CNTNAP2: variants seen among roughly 807,000 people sequenced by gnomAD.
CNTNAP2 encodes the protein contactin-associated protein-like 2.
CNTNAP2 carries 98 observed loss-of-function variants against 155.2 expected under a neutral mutation model. The observed-to-expected ratio is 0.63, with a 90% CI of 0.54 to 0.75. The LOEUF (loss-of-function observed/expected upper bound fraction) is 0.75, where lower values mean the gene tolerates loss of function less well. Among genes scored for constraint, CNTNAP2 ranks in the 30% least tolerant of loss-of-function variants. CNTNAP2 has a pLI of 0.00. For synonymous variants in CNTNAP2, 651 were observed against 631.2 expected (o/e 1.03, Z -0.47); for missense variants, 1,727 against 1,688.1 (o/e 1.02, Z -0.40).
rs142794536 is a variant in CNTNAP2 at position 146,836,904 on chromosome 7, T to A, written c.209-2807T>A. 1.4e-4 allele frequency among the ~76,000 whole-genome samples: 22 copies of A among 152,258 alleles called. No individual in the cohort carries two copies. The South Asian group carries it at 1.4e-3, about 10-fold the overall frequency. On this transcript the variant is annotated intron_variant, in intron 2 of 23. Coordinates refer to ENST00000361727, the MANE Select transcript of CNTNAP2 (RefSeq NM_014141.6). ...AATTTCAGGTTGCCAGCTTTTTTTTTATCTTTCCTTTTCATCATGTCTGTT... is the reference window on the plus strand; with the variant it reads ...AATTTCAGGTTGCCAGCTTTTTTTTAATCTTTCCTTTTCATCATGTCTGTT...
intron 3 of CNTNAP2, chr7:146,963,008 C>T (rs922737936): frequency 6.6e-6 from 1 of 152,228 alleles, no homozygotes; most frequent in African/African-American, 2.4e-5. Flanking sequence ...AAAATTGCAT[C>T]TGATGATGAC....
chr7:148,081,362 A>AT (rs1237139619), intron 15 of CNTNAP2, among the ~76,000 whole-genome samples: 1 of 152,064 alleles, frequency 6.6e-6, no homozygotes, highest in African/African-American at 2.4e-5. Context: ...GGAGATTAAC[A>AT]TTTGAGTCCG....
At chr7:147,221,150 T>C (rs974194382) in intron 8 of CNTNAP2, among the ~76,000 whole-genome samples, 3 of 152,050 alleles carry the variant, frequency 2.0e-5, no homozygotes, top group African/African-American at 7.2e-5. Flanking sequence ...AAAAAAACTC[T>C]TAATTTCTTC....
intron 3 of CNTNAP2, among the ~76,000 whole-genome samples, chr7:146,925,372 TAAG>T (rs1796586262): frequency 6.6e-6 from 1 of 152,170 alleles, no homozygotes; most frequent in East Asian, 1.9e-4. Context: ...ACATTATTAT[TAAG>T]AAGAGCAAGG....
In CNTNAP2 at chr7:148,124,805, T is replaced by C. The variant is rs535492191; in HGVS notation, c.2554+6517T>C. On this transcript the variant is annotated intron_variant, in intron 16 of 23. Coordinates refer to ENST00000361727, the MANE Select transcript of CNTNAP2 (RefSeq NM_014141.6). Reference sequence around the variant, plus strand: ...CGTTAAAATAAGTAAATTACAATGATAGGCACAAAGTATTATGAACAATCG... The same window carrying C: ...CGTTAAAATAAGTAAATTACAATGACAGGCACAAAGTATTATGAACAATCG... Among the ~76,000 whole-genome samples the C allele has an allele frequency of 3.1e-4, 47 of 152,234 alleles. 1 individual carries two copies. Among genetic ancestry groups the C allele is most frequent in the Non-Finnish European group, 3.7e-4 (25 of 68,022 alleles).
At chr7:146,489,452 A>G (rs1797106682) in intron 1 of CNTNAP2, among the ~76,000 whole-genome samples, 1 of 152,216 alleles carries the variant, frequency 6.6e-6, no homozygotes, top group Admixed American at 6.5e-5. Flanking sequence ...GAAAGGCTAT[A>G]AAATATAACT....
At chr7:146,330,761 C>T (rs894691959) in intron 1 of CNTNAP2, among the ~76,000 whole-genome samples, 62 of 152,044 alleles carry the variant, frequency 4.1e-4, no homozygotes, top group African/African-American at 1.4e-3. Context: ...AGGATAGTAG[C>T]GACAAAAATG....
At chr7:146,123,296 G>T (rs1367615664) in intron 1 of CNTNAP2, among the ~76,000 whole-genome samples, 2 of 152,100 alleles carry the variant, frequency 1.3e-5, no homozygotes, top group Non-Finnish European at 2.9e-5. Context: ...TTTATGTTTA[G>T]GAAAGAGGTG....
At chr7:146,273,958 T>C (rs1057392344) in intron 1 of CNTNAP2, among the ~76,000 whole-genome samples, 3 of 152,146 alleles carry the variant, frequency 2.0e-5, no homozygotes, top group Admixed American at 6.5e-5. Flanking sequence ...AAATGTTAGT[T>C]CGATCTCCTT....
intron 13 of CNTNAP2, among the ~76,000 whole-genome samples, chr7:147,873,969 A>T (rs765969596): frequency 6.6e-6 from 1 of 152,134 alleles, no homozygotes; most frequent in African/African-American, 2.4e-5. Context: ...AAGTTCCAAA[A>T]TGATCTCCTT....
At chr7:146,523,191 A>G (rs929327766) in intron 1 of CNTNAP2, among the ~76,000 whole-genome samples, 9 of 151,958 alleles carry the variant, frequency 5.9e-5, no homozygotes, top group South Asian at 2.1e-4. Context: ...GTTCATTCTT[A>G]TGCTTTTTTG....
At chr7:147,853,969 A>G (rs1166091802) in intron 13 of CNTNAP2, among the ~76,000 whole-genome samples, 2 of 152,200 alleles carry the variant, frequency 1.3e-5, no homozygotes, top group Admixed American at 1.3e-4. Flanking sequence ...AAATTATCTC[A>G]CGGTTTTTAA....
At chr7:147,000,071 C>T (rs1322203678) in intron 3 of CNTNAP2, among the ~76,000 whole-genome samples, 1 of 151,676 alleles carries the variant, frequency 6.6e-6, no homozygotes, top group Non-Finnish European at 1.5e-5. Context: ...ATTTTTATTT[C>T]CTTTTTCCCC....
rs188781692 is a variant in CNTNAP2, at chr7:147,628,406, A to T, written c.1898-10700A>T. 2.0e-4 allele frequency among the ~76,000 whole-genome samples: 30 copies of T among 152,336 alleles called. 1 individual carries two copies. In the East Asian group the frequency reaches 3.5e-3, roughly 18 times the overall value. On this transcript the variant is annotated intron_variant, in intron 12 of 23. Transcript: ENST00000361727. ...GGAGCTTCATAAATGAAGGAGAGAT[A>T]AAGTCTTTTTCAGACAAACAAATGC... is the stretch of plus-strand genomic sequence containing the variant.
intron 10 of CNTNAP2, among the ~76,000 whole-genome samples, chr7:147,483,087 A>T (rs867124629): frequency 3.9e-5 from 6 of 152,048 alleles, no homozygotes; most frequent in Middle Eastern, 3.4e-3. Context: ...GAATTATAAG[A>T]AAGAAAAATA....
In CNTNAP2 at chr7:147,108,240, A is replaced by G. The variant is rs1800805793; in HGVS notation, c.644A>G (p.Asn215Ser). 1 of 1,613,708 alleles carries G rather than the reference A, an allele frequency of 6.2e-7. No individual in the cohort carries two copies. The highest frequency in any genetic ancestry group is 8.5e-7 in the Non-Finnish European group (1 of 1,179,838). ...ACACTGAAAGATGTCATTGCCTTGAACTTTAAGACGTCTGAAAGTGAAGGA... is the reference window on the plus strand; with the variant it reads ...ACACTGAAAGATGTCATTGCCTTGAGCTTTAAGACGTCTGAAAGTGAAGGA... Reference protein sequence around the residue: ...MKTLKDVIALNFKTSESEGVI... With the variant: ...MKTLKDVIALSFKTSESEGVI... The change falls in exon 5 of 24, where the codon AAC becomes AGC. Residue 215 changes from asparagine (N) to serine (S), a missense_variant. Asn to Ser is a conservative substitution (Grantham distance 46). Coordinates refer to ENST00000361727, the MANE Select transcript of CNTNAP2 (RefSeq NM_014141.6).
chr7:148,119,776 T>C (rs775026275), intron 16 of CNTNAP2, among the ~76,000 whole-genome samples: 1 of 152,168 alleles, frequency 6.6e-6, no homozygotes, highest in Non-Finnish European at 1.5e-5. Flanking sequence ...GAGAATAGAA[T>C]TTAAATACTC....
intron 1 of CNTNAP2, among the ~76,000 whole-genome samples, chr7:146,673,013 C>G (rs913278077): frequency 6.6e-6 from 1 of 151,866 alleles, no homozygotes; most frequent in Non-Finnish European, 1.5e-5. Flanking sequence ...TTTTTCTTAT[C>G]AAAATTCTTC....
chr7:147,084,096 TATA>T, intron 4 of CNTNAP2, among the ~76,000 whole-genome samples: 1 of 43,810 alleles, frequency 2.3e-5, no homozygotes, highest in African/African-American at 9.9e-5. Flanking sequence ...TATATGTATA[TATA>T]ATACATATAT....
Sources: allele counts gnomAD v4.1 joint callset (sites outside exome capture counted in the v4.1 genomes callset), GRCh38; gene constraint gnomAD v4.1.1; transcripts MANE v1.5; gene names NCBI Gene and HGNC (gene_info 2026-07-23, HGNC 2026-07-21).